The following TTC28 variants were observed in gnomAD, a reference collection of about 807,000 sequenced individuals.
TTC28 encodes tetratricopeptide repeat protein 28.
TTC28 carries 61 observed loss-of-function variants against 198.0 expected under a neutral mutation model. That is an observed-to-expected ratio of 0.31 (90% confidence interval 0.25 to 0.38). TTC28 has a LOEUF of 0.38. Among genes scored for constraint, TTC28 ranks in the 10% least tolerant of loss-of-function variants. The pLI is 1.00. For missense variants in TTC28, 2,678 were observed against 3,164.0 expected, an observed-to-expected ratio of 0.85 and a Z score of 3.69; for synonymous variants, 1,171 against 1,297.8, an observed-to-expected ratio of 0.90 and a Z score of 2.10.
chr22:28,101,779 T>C (rs1317661013), intron 8 of TTC28, among the ~76,000 whole-genome samples: 4 of 92,890 alleles, frequency 4.3e-5, no homozygotes, highest in African/African-American at 2.0e-4. Flanking sequence ...GACCCATCTC[T>C]GTTAAAAAAA....
At chr22:28,663,145 G>A (rs78416565) in intron 1 of TTC28, among the ~76,000 whole-genome samples, 15,044 of 151,766 alleles carry the variant, frequency 0.099, 853 homozygotes, top group African/African-American at 0.12. Flanking sequence ...CTACTCGGAA[G>A]GCTGAGATAG....
chr22:28,136,675 A>C (rs1008538285), intron 6 of TTC28, among the ~76,000 whole-genome samples: 2 of 152,202 alleles, frequency 1.3e-5, no homozygotes, highest in Non-Finnish European at 2.9e-5. Context: ...TAGTCAGGGA[A>C]GGAGAGGTTA....
intron 2 of TTC28, among the ~76,000 whole-genome samples, chr22:28,464,179 T>G (rs12166475): frequency 0.14 from 20,775 of 152,128 alleles, 1,662 homozygotes; most frequent in African/African-American, 0.2. Context: ...CCAGAAGAGA[T>G]GGGGAGGAGA....
chr22:28,035,509 T>C (rs923045123), intron 12 of TTC28, among the ~76,000 whole-genome samples: 2 of 152,216 alleles, frequency 1.3e-5, no homozygotes, highest in African/African-American at 4.8e-5. Context: ...GCCAGCACCC[T>C]ATGTTGCGGA....
intron 2 of TTC28, among the ~76,000 whole-genome samples, chr22:28,532,601 CAA>C (rs993050905): frequency 1.3e-5 from 2 of 152,066 alleles, no homozygotes; most frequent in East Asian, 3.9e-4. Context: ...AGAGACACAA[CAA>C]AAAAAGAGAA....
chr22:28,670,101 G>C (rs1464442507), intron 1 of TTC28, among the ~76,000 whole-genome samples: 1 of 147,394 alleles, frequency 6.8e-6, no homozygotes, highest in Non-Finnish European at 1.5e-5. Flanking sequence ...ATAAAAATGG[G>C]GGGGGGGCAA....
At chr22:28,163,996 T>A (rs558012468) in intron 5 of TTC28, among the ~76,000 whole-genome samples, 1 of 152,354 alleles carries the variant, frequency 6.6e-6, no homozygotes, top group South Asian at 2.1e-4. Context: ...CAGGAGATTA[T>A]ATCCCGCACC....
At chr22:28,337,009 G>C (rs1425037025) in intron 2 of TTC28, among the ~76,000 whole-genome samples, 3 of 152,210 alleles carry the variant, frequency 2.0e-5, no homozygotes, top group East Asian at 1.9e-4. Context: ...ACACTGCTTT[G>C]AATGTGTTCC....
At chr22:28,403,896 T>C (rs2046957327) in intron 2 of TTC28, among the ~76,000 whole-genome samples, 1 of 152,106 alleles carries the variant, frequency 6.6e-6, no homozygotes, top group Admixed American at 6.5e-5. Context: ...AGGAGGTCAG[T>C]CAGTGTTGGA....
intron 2 of TTC28, among the ~76,000 whole-genome samples, chr22:28,336,193 T>C (rs949226043): frequency 6.6e-6 from 1 of 152,230 alleles, no homozygotes; most frequent in Non-Finnish European, 1.5e-5. Flanking sequence ...TGAAGCCTGC[T>C]TGATCGTGGT....
intron 6 of TTC28, among the ~76,000 whole-genome samples, chr22:28,109,931 G>A (rs1381125868): frequency 1.3e-5 from 2 of 152,184 alleles, no homozygotes; most frequent in African/African-American, 2.4e-5. Flanking sequence ...AGAAAGCTGT[G>A]AAAACCTAGC....
At chr22:28,501,683 T>C (rs1394835501) in intron 2 of TTC28, among the ~76,000 whole-genome samples, 1 of 152,208 alleles carries the variant, frequency 6.6e-6, no homozygotes, top group Admixed American at 6.5e-5. Context: ...AAATATTACA[T>C]ATCAATGCAA....
chr22:28,521,177 T>C (rs1410402398), intron 2 of TTC28, among the ~76,000 whole-genome samples: 7 of 151,726 alleles, frequency 4.6e-5, no homozygotes, highest in Admixed American at 6.6e-5. Flanking sequence ...GGCGAGAGGA[T>C]AGCTTGAGGC....
intron 13 of TTC28, among the ~76,000 whole-genome samples, chr22:28,024,283 T>A (rs1938731701): frequency 6.6e-6 from 1 of 152,146 alleles, no homozygotes; most frequent in South Asian, 2.1e-4. Flanking sequence ...GATGGATTTG[T>A]GAAAGATGCT....
intron 2 of TTC28, among the ~76,000 whole-genome samples, chr22:28,462,287 C>T (rs1220244383): frequency 3.9e-5 from 6 of 152,086 alleles, no homozygotes; most frequent in Admixed American, 3.3e-4. Context: ...TGTTATATGC[C>T]ACATCTGAAC....
At chr22:28,553,081 A>G (rs2049714763) in intron 2 of TTC28, among the ~76,000 whole-genome samples, 1 of 152,050 alleles carries the variant, frequency 6.6e-6, no homozygotes, top group Non-Finnish European at 1.5e-5. Flanking sequence ...AGTCTCGTTC[A>G]CTCAGTGCTC....
chr22:28,251,005 G>T (rs1268542006), intron 5 of TTC28, among the ~76,000 whole-genome samples: 6 of 152,196 alleles, frequency 3.9e-5, no homozygotes, highest in Non-Finnish European at 7.3e-5. Context: ...CAAGTCATCA[G>T]CTAGGTGGCT....
intron 8 of TTC28, among the ~76,000 whole-genome samples, chr22:28,103,989 C>T (rs937575956): frequency 3.3e-5 from 5 of 152,184 alleles, no homozygotes; most frequent in East Asian, 3.9e-4. Context: ...TGGATAGAAG[C>T]GGAGGTAGAT....
chr22:28,455,729 A>T (rs1010881182), intron 2 of TTC28, among the ~76,000 whole-genome samples: 1 of 151,978 alleles, frequency 6.6e-6, no homozygotes, highest in South Asian at 2.1e-4. Flanking sequence ...AAAAAAAAAA[A>T]ATTAGCATTT....
Sources: gnomAD v4.1 joint callset for allele counts (sites outside exome capture counted in the v4.1 genomes callset) on GRCh38, gnomAD v4.1.1 for gene constraint, MANE v1.5 for transcripts, NCBI Gene and HGNC (gene_info 2026-07-23, HGNC 2026-07-21) for gene names.